Variants in ATP7A observed in about 807,000 individuals in gnomAD.
ATP7A encodes copper-transporting ATPase 1.
ATP7A carries 7 observed loss-of-function variants against 83.5 expected under a neutral mutation model. That is an observed-to-expected ratio of 0.08 (90% CI 0.05 to 0.16). The LOEUF is 0.16. ATP7A is among the 10% of genes least tolerant of loss of function. ATP7A has a pLI of 1.00. For synonymous variants in ATP7A, 354 were observed against 395.2 expected, an observed-to-expected ratio of 0.90 and a Z score of 1.24; for missense variants, 940 against 1,120.8, an observed-to-expected ratio of 0.84 and a Z score of 2.30.
chrX:77,944,996 G>A (rs1453186075), intron 1 of ATP7A, among the ~76,000 whole-genome samples: 1 of 108,761 alleles, frequency 9.2e-6, no homozygotes, highest in Admixed American at 1.0e-4. Flanking sequence ...GATTACAGGC[G>A]CCTGCCACCA....
chrX:77,915,731 T>G (rs1221838150), intron 1 of ATP7A, among the ~76,000 whole-genome samples: 1 of 111,824 alleles, frequency 8.9e-6, no homozygotes, highest in Non-Finnish European at 1.9e-5. Context: ...TAAAAAAATT[T>G]TTTTTGGAGA....
intron 2 of ATP7A, among the ~76,000 whole-genome samples, chrX:77,984,514 C>G (rs1162403501): frequency 9.1e-6 from 1 of 109,871 alleles, no homozygotes; most frequent in Non-Finnish European, 1.9e-5. Flanking sequence ...ATTACAGGCA[C>G]CCACCACCAC....
chrX:77,948,931 G>C (rs1371602172), intron 1 of ATP7A, among the ~76,000 whole-genome samples: 1 of 109,875 alleles, frequency 9.1e-6, no homozygotes, highest in African/African-American at 3.3e-5. Flanking sequence ...TTGCTTTGTC[G>C]CCCAGGCTGG....
chrX:77,925,787 G>A (rs1557223509), intron 1 of ATP7A, among the ~76,000 whole-genome samples: 1 of 111,294 alleles, frequency 9.0e-6, no homozygotes, highest in African/African-American at 3.3e-5. Flanking sequence ...TGCTTATAAA[G>A]TGTTTCTGTG....
At chrX:77,976,320 G>T (rs2077576723) in intron 2 of ATP7A, among the ~76,000 whole-genome samples, 1 of 112,176 alleles carries the variant, frequency 8.9e-6, no homozygotes. Flanking sequence ...AACTATTCTT[G>T]ATCTAAACAT....
chrX:77,929,702 A>C (rs1485255917), intron 1 of ATP7A, among the ~76,000 whole-genome samples: 41 of 106,260 alleles, frequency 3.9e-4, no homozygotes, highest in African/African-American at 1.4e-3. Context: ...TCCCGGGCTC[A>C]AGCAATCCTC....
chrX:77,916,469 A>G (rs2077186400), intron 1 of ATP7A, among the ~76,000 whole-genome samples: 1 of 111,051 alleles, frequency 9.0e-6, no homozygotes. Context: ...CTTAAAGCTC[A>G]TTATTACAGC....
intron 1 of ATP7A, among the ~76,000 whole-genome samples, chrX:77,945,776 C>T (rs1175726896): frequency 9.0e-6 from 1 of 111,122 alleles, no homozygotes; most frequent in Non-Finnish European, 1.9e-5. Flanking sequence ...TCTAAGGTTA[C>T]AAGTTTTTTT....
chrX:77,944,514 G>A (rs1283402616), intron 1 of ATP7A, among the ~76,000 whole-genome samples: 5 of 111,024 alleles, frequency 4.5e-5, no homozygotes, highest in Non-Finnish European at 9.4e-5. Context: ...ATAGCTCACC[G>A]TAACCTCGAA....
intron 15 of ATP7A, 126 bp downstream of exon 15, chrX:78,029,570 C>T: frequency 1.4e-6 from 1 of 730,748 alleles, no homozygotes. Flanking sequence ...CTAGGACTAT[C>T]CAGAGATTTG....
At position 78,005,704 on chromosome X, in the gene ATP7A, A is replaced by C. The variant is rs2077770330; in HGVS notation, c.1707+2468A>C. On this transcript the variant is annotated intron_variant, in intron 6 of 22. Coordinates refer to ENST00000341514, the MANE Select transcript of ATP7A (RefSeq NM_000052.7). ...ATCTCAAAAAAAAAAAAAAAAAAAA[A>C]AAGAAAAAAAAAGAAGAAAAAAACA... Among the ~76,000 whole-genome samples the C allele has an allele frequency of 6.6e-5, 7 of 105,726 alleles. No homozygotes were observed. In the South Asian group the frequency reaches 2.8e-3, roughly 42 times the overall value. The allele number at this position is 105,726 out of a possible 115,157, so 91.8% of individuals were successfully genotyped here. A position where few individuals can be genotyped will look rare whatever the true frequency, so the allele number is the denominator to read the frequency against.
In ATP7A at chrX:78,040,717, G is replaced by C; in HGVS notation, c.3785G>C (p.Arg1262Thr). ...LMTGDNSKTARSIASQVGITK... is the reference protein window; with the variant it reads ...LMTGDNSKTATSIASQVGITK... ...ACTGGAGACAACAGTAAAACAGCTA[G>C]ATCTATTGCTTCTCAGGTAATTGAT... Residue 1262 changes from arginine to threonine, a missense_variant, in exon 19 of 23, where the codon AGA becomes ACA. Around this residue, in one of 3 missense-constraint regions of ATP7A, gnomAD observed 386 missense variants for 502.2 expected, o/e 0.77. Transcript: ENST00000341514. 1 of 1,210,782 alleles carries C rather than the reference G, an allele frequency of 8.3e-7. No homozygotes were observed. Among genetic ancestry groups the C allele is most frequent in the South Asian group, 1.8e-5 (1 of 56,976 alleles).
Position 77,998,657 on chromosome X carries a change from A to G in ATP7A, c.1516A>G (p.Ile506Val), listed in dbSNP as rs143907597. 1,631 of 1,210,253 alleles carry G rather than the reference A, an allele frequency of 1.3e-3. 20 individuals are homozygous for G. In the African/African-American group the frequency reaches 0.025, roughly 19 times the overall value. ...GACTTGCGCTTCCTGTGTAGCAAACATTGAACGGAATTTAAGGCGGGAAGA... is the reference window on the plus strand; with the variant it reads ...GACTTGCGCTTCCTGTGTAGCAAACGTTGAACGGAATTTAAGGCGGGAAGA... ...GMTCASCVANIERNLRREEGI... is the reference protein window; with the variant it reads ...GMTCASCVANVERNLRREEGI... Residue 506 changes from isoleucine (I) to valine (V), a missense_variant, in exon 5 of 23, where the codon ATT becomes GTT. Coordinates refer to ENST00000341514, the MANE Select transcript of ATP7A (RefSeq NM_000052.7).
intron 5 of ATP7A, among the ~76,000 whole-genome samples, chrX:78,002,497 A>T (rs1345192337): frequency 5.4e-5 from 6 of 111,396 alleles, no homozygotes; most frequent in African/African-American, 2.0e-4. Flanking sequence ...GTCAAACAAA[A>T]AACTGTTGAA....
chrX:77,976,390 C>T (rs782746713), intron 2 of ATP7A, among the ~76,000 whole-genome samples: 15 of 112,182 alleles, frequency 1.3e-4, no homozygotes, highest in Non-Finnish European at 2.6e-4. Context: ...TAGTGAAATA[C>T]AGAATTTATA....
chrX:77,963,795 T>G (rs1557228358), intron 1 of ATP7A: 1 of 110,942 alleles, frequency 9.0e-6, no homozygotes, highest in African/African-American at 3.3e-5. Context: ...GAGACAAGGT[T>G]TCACCATATT....
At chrX:77,921,107 T>A (rs782181140) in intron 1 of ATP7A, among the ~76,000 whole-genome samples, 1 of 112,200 alleles carries the variant, frequency 8.9e-6, no homozygotes, top group Non-Finnish European at 1.9e-5. Context: ...ACGTTTTAAC[T>A]GGTCCTCCTA....
chrX:78,046,213 A>G, intron 22 of ATP7A, 81 bp from the exon 23 acceptor site: 1 of 1,105,035 alleles, frequency 9.0e-7, no homozygotes, highest in Non-Finnish European at 1.2e-6. Flanking sequence ...GGATGAGCAA[A>G]TCTTCTTTCT....
intron 4 of ATP7A, among the ~76,000 whole-genome samples, chrX:77,995,723 C>A (rs2077699498): frequency 9.0e-6 from 1 of 110,830 alleles, no homozygotes; most frequent in African/African-American, 3.3e-5. Context: ...AAATTCCTTC[C>A]ATTTTGTGAC....
Sources: gnomAD v4.1 joint callset for allele counts (sites outside exome capture counted in the v4.1 genomes callset) on GRCh38, gnomAD v4.1.1 for gene constraint, gnomAD v4.1.1 regional missense constraint, MANE v1.5 for transcripts, NCBI Gene and HGNC (gene_info 2026-07-23, HGNC 2026-07-21) for gene names.